Variants in PTPRN2 observed in about 807,000 individuals in gnomAD.
The protein encoded by PTPRN2 is receptor-type tyrosine-protein phosphatase N2.
In PTPRN2, 74 loss-of-function variants were observed where a neutral mutation model predicts 118.8. That is an observed-to-expected ratio of 0.62 (90% CI 0.52 to 0.76). PTPRN2 has a LOEUF of 0.76. Among genes scored for constraint, PTPRN2 ranks in the 30% least tolerant of loss-of-function variants. The pLI, the probability that PTPRN2 is intolerant of heterozygous loss-of-function variation, is 0.00. For missense variants in PTPRN2, 1,481 were observed against 1,394.4 expected (o/e 1.06, Z -0.99); for synonymous variants, 641 against 608.0 (o/e 1.05, Z -0.80).
intron 1 of PTPRN2, among the ~76,000 whole-genome samples, chr7:158,531,733 A>G (rs567126597): frequency 2.0e-5 from 3 of 152,362 alleles, no homozygotes; most frequent in South Asian, 4.1e-4. Context: ...TCTGTATCAC[A>G]TAAAACAACC....
chr7:158,333,556 ACT>A (rs1804937119), intron 2 of PTPRN2, among the ~76,000 whole-genome samples: 1 of 150,350 alleles, frequency 6.7e-6, no homozygotes, highest in Non-Finnish European at 1.5e-5. Context: ...TCACACCCAC[ACT>A]CTCACCATAA....
chr7:158,201,327 C>T (rs939579008), intron 4 of PTPRN2, among the ~76,000 whole-genome samples: 1 of 152,156 alleles, frequency 6.6e-6, no homozygotes, highest in East Asian at 1.9e-4. Context: ...TCTAAGAGGT[C>T]TGGGAAGTCA....
intron 3 of PTPRN2, among the ~76,000 whole-genome samples, chr7:158,308,216 G>GA (rs968802861): frequency 5.3e-5 from 8 of 152,166 alleles, no homozygotes; most frequent in East Asian, 1.9e-4. Flanking sequence ...AGTCCTAAAA[G>GA]AAAAAAGTCT....
intron 11 of PTPRN2, among the ~76,000 whole-genome samples, chr7:158,080,771 C>G (rs900356814): frequency 2.6e-5 from 4 of 152,188 alleles, no homozygotes; most frequent in African/African-American, 9.7e-5. Flanking sequence ...GCCCAGAACC[C>G]TGGGCTCTAA....
chr7:158,300,365 C>T (rs1209754075), intron 3 of PTPRN2, among the ~76,000 whole-genome samples: 6 of 151,778 alleles, frequency 4.0e-5, no homozygotes, highest in East Asian at 2.0e-4. Context: ...GGCAGCCTCA[C>T]GGGAGCATGG....
rs929696286 is a variant in PTPRN2 at position 158,417,273 on chromosome 7, G to A, written c.163+72462C>T. 4.6e-5 allele frequency among the ~76,000 whole-genome samples: 7 copies of A among 151,930 alleles called. 1 individual carries two copies. Among genetic ancestry groups the A allele is most frequent in the Admixed American group, 1.3e-4 (2 of 15,258 alleles). Reference sequence around the variant, plus strand: ...GTGTTAAGTCATGGTGTACTACATCGAGATGCTGAAGCTTTCAGTGTCCCA... The same window carrying A: ...GTGTTAAGTCATGGTGTACTACATCAAGATGCTGAAGCTTTCAGTGTCCCA... On this transcript the variant is annotated intron_variant, in intron 2 of 22. Coordinates refer to ENST00000389418, the MANE Select transcript of PTPRN2 (RefSeq NM_002847.5).
chr7:158,375,857 C>G (rs546463045), intron 2 of PTPRN2, among the ~76,000 whole-genome samples: 14 of 152,240 alleles, frequency 9.2e-5, no homozygotes, highest in African/African-American at 3.4e-4. Flanking sequence ...AGGGGAAGAT[C>G]CCTTCCCACT....
chr7:157,596,537 G>A lies in PTPRN2; in HGVS notation c.2419-1222C>T, dbSNP rs1801350347. Among the ~76,000 whole-genome samples, 2 of 152,342 alleles carry A rather than the reference G, an allele frequency of 1.3e-5. No homozygotes were observed. Among genetic ancestry groups the A allele is most frequent in the South Asian group, 4.1e-4 (2 of 4,830 alleles). ...GCCTTGAGAGGCAAGCGAGATTTGA[G>A]CACATTGCTGAGGGGCGTCAGATGG... On this transcript the variant is annotated intron_variant, in intron 16 of 22. Transcript: ENST00000389418. This position sits in a 1 kb window ranked among gnomAD's most constrained non-coding sequence, Gnocchi z 4.2.
At chr7:157,943,656 C>T (rs986100702) in intron 11 of PTPRN2, among the ~76,000 whole-genome samples, 1 of 151,660 alleles carries the variant, frequency 6.6e-6, no homozygotes, top group Non-Finnish European at 1.5e-5. Flanking sequence ...AAGCCCCCCA[C>T]CCCCAGGATA....
rs1796690666 is a variant in PTPRN2, at chr7:157,676,826, G to T, written c.2001+5899C>A. On this transcript the variant is annotated intron_variant, in intron 13 of 22. Coordinates refer to ENST00000389418, the MANE Select transcript of PTPRN2 (RefSeq NM_002847.5). The surrounding 1 kb of genome is among the most constrained non-coding windows in gnomAD (Gnocchi z 5.6). ...GGGGGTGCCTAGGAACAGGGGCTCG[G>T]AAGGACCTGCTGTGCATGCAGGGGT... Among the ~76,000 whole-genome samples the T allele has an allele frequency of 6.6e-6, 1 of 152,204 alleles. No homozygotes were observed. Among genetic ancestry groups the T allele is most frequent in the Non-Finnish European group, 1.5e-5 (1 of 68,030 alleles).
At chr7:158,358,990 G>A (rs1470850596) in intron 2 of PTPRN2, among the ~76,000 whole-genome samples, 1 of 152,198 alleles carries the variant, frequency 6.6e-6, no homozygotes, top group Non-Finnish European at 1.5e-5. Context: ...CTGAATAAAT[G>A]AGAAACTGGA....
intron 3 of PTPRN2, among the ~76,000 whole-genome samples, chr7:158,306,974 C>T (rs190617342): frequency 0.011 from 1,684 of 151,006 alleles, 11 homozygotes; most frequent in Admixed American, 0.019. Flanking sequence ...TCAATTGATT[C>T]CCCTGCCTCA....
At chr7:157,653,002 C>G (rs940398716) in intron 14 of PTPRN2, among the ~76,000 whole-genome samples, 1 of 152,296 alleles carries the variant, frequency 6.6e-6, no homozygotes, top group African/African-American at 2.4e-5. Context: ...GGGGCCACAG[C>G]CAGGCCAGCC....
At chr7:157,653,802 C>T (rs1394891795) in intron 14 of PTPRN2, among the ~76,000 whole-genome samples, 1 of 150,402 alleles carries the variant, frequency 6.6e-6, no homozygotes, top group Non-Finnish European at 1.5e-5. Flanking sequence ...ATGCCCGCTG[C>T]TCCCCACACC....
intron 2 of PTPRN2, among the ~76,000 whole-genome samples, chr7:158,330,089 G>T (rs1414564312): frequency 1.4e-5 from 2 of 145,074 alleles, no homozygotes; most frequent in Non-Finnish European, 3.0e-5. Context: ...GACACCTGCA[G>T]ACGTCACTCA....
chr7:158,001,894 C>A (rs529412524), intron 11 of PTPRN2, among the ~76,000 whole-genome samples: 5 of 152,332 alleles, frequency 3.3e-5, no homozygotes, highest in Admixed American at 2.6e-4. Context: ...TGAGGTCATC[C>A]GGAGGCACCC....
chr7:158,412,294 A>G (rs113765658), intron 2 of PTPRN2, among the ~76,000 whole-genome samples: 23 of 48,236 alleles, frequency 4.8e-4, no homozygotes, highest in African/African-American at 7.5e-4. Context: ...ACCCTCCTCA[A>G]CACCAGGGCC....
chr7:157,826,006 C>T lies in PTPRN2; in HGVS notation c.1788+72667G>A, dbSNP rs551666268. Among the ~76,000 whole-genome samples, 22 of 152,296 alleles carry T rather than the reference C, an allele frequency of 1.4e-4. No individual in the cohort carries two copies. The East Asian group carries it at 3.1e-3, about 21-fold the overall frequency. ...ATTCACCACTTTCACTTTGTTCCCCCGTGCATGTAAGGGGTCAGGCAATCC... is the reference window on the plus strand; with the variant it reads ...ATTCACCACTTTCACTTTGTTCCCCTGTGCATGTAAGGGGTCAGGCAATCC... On this transcript the variant is annotated intron_variant, in intron 12 of 22. Coordinates refer to ENST00000389418, the MANE Select transcript of PTPRN2 (RefSeq NM_002847.5).
chr7:157,651,747 G>C (rs144299322), intron 14 of PTPRN2, among the ~76,000 whole-genome samples: 267 of 152,366 alleles, frequency 1.8e-3, no homozygotes, highest in African/African-American at 6.2e-3. Context: ...TGATTAACAC[G>C]CAGCCGCTTT....
Sources: allele counts gnomAD v4.1 joint callset (sites outside exome capture counted in the v4.1 genomes callset), GRCh38; gene constraint gnomAD v4.1.1; non-coding constraint Gnocchi (gnomAD v3.1); transcripts MANE v1.5; gene names NCBI Gene and HGNC (gene_info 2026-07-23, HGNC 2026-07-21).